TMEM163: variants seen among roughly 807,000 people sequenced by gnomAD.
TMEM163 encodes the protein transmembrane protein 163.
A neutral mutation model predicts 29.3 loss-of-function variants in TMEM163; 17 were observed. The ratio of observed to expected loss-of-function variants is 0.58; its 90% confidence interval spans 0.40 to 0.87. TMEM163 has a LOEUF of 0.87. Among genes scored for constraint, TMEM163 ranks in the 40% least tolerant of loss-of-function variants. The pLI is 0.00. For missense variants in TMEM163, 303 were observed against 381.5 expected (o/e 0.79, Z 1.71); for synonymous variants, 157 against 160.6 (o/e 0.98, Z 0.17).
chr2:134,552,574 A>G (rs1680954317), intron 2 of TMEM163, among the ~76,000 whole-genome samples: 1 of 152,106 alleles, frequency 6.6e-6, no homozygotes, highest in South Asian at 2.1e-4. Flanking sequence ...AGAGTGACAA[A>G]TGATCTTAAA....
At chr2:134,664,343 G>A (rs1173950417) in intron 2 of TMEM163, among the ~76,000 whole-genome samples, 1 of 152,198 alleles carries the variant, frequency 6.6e-6, no homozygotes, top group Non-Finnish European at 1.5e-5. Context: ...TGGTTAAGAC[G>A]CAGAATGCTG....
At chr2:134,521,253 T>C (rs1236802581) in intron 4 of TMEM163, among the ~76,000 whole-genome samples, 1 of 152,114 alleles carries the variant, frequency 6.6e-6, no homozygotes, top group Non-Finnish European at 1.5e-5. Flanking sequence ...TGCCTCGGCC[T>C]CCCAAAGTGC....
intron 2 of TMEM163, among the ~76,000 whole-genome samples, chr2:134,685,662 A>G (rs1046846946): frequency 1.3e-5 from 2 of 152,232 alleles, no homozygotes; most frequent in Admixed American, 6.5e-5. Context: ...TGCCCCCATC[A>G]GCATTTTATG....
At chr2:134,554,515 C>A (rs1681005581) in intron 2 of TMEM163, among the ~76,000 whole-genome samples, 2 of 151,560 alleles carry the variant, frequency 1.3e-5, no homozygotes, top group Non-Finnish European at 2.9e-5. Flanking sequence ...GGGCTGAGCA[C>A]CATGGAAAAG....
chr2:134,594,098 A>G (rs1682002930), intron 2 of TMEM163, among the ~76,000 whole-genome samples: 1 of 152,194 alleles, frequency 6.6e-6, no homozygotes. Flanking sequence ...GGAAAAGACA[A>G]GATGGCAGAA....
chr2:134,573,640 G>T (rs1681484433), intron 2 of TMEM163, among the ~76,000 whole-genome samples: 1 of 152,220 alleles, frequency 6.6e-6, no homozygotes, highest in Admixed American at 6.5e-5. Context: ...GGTGGAGACA[G>T]ATGTGATGCC....
At position 134,597,021 on chromosome 2, in the gene TMEM163, G is replaced by A. The variant is rs574321678; in HGVS notation, c.323-44930C>T. Among the ~76,000 whole-genome samples, 149 of 152,204 alleles carry A rather than the reference G, an allele frequency of 9.8e-4. 1 individual carries two copies. Among genetic ancestry groups the A allele is most frequent in the African/African-American group, 2.9e-3 (119 of 41,506 alleles). On this transcript the variant is annotated intron_variant, in intron 2 of 7. Transcript: ENST00000281924. ...GCTTAAGGAGATTTTGGGCTGAGAC[G>A]ACGGGGTTTTCTAGATATACAATCA...
At chr2:134,549,378 C>T (rs570381931) in intron 4 of TMEM163, among the ~76,000 whole-genome samples, 52 of 152,304 alleles carry the variant, frequency 3.4e-4, no homozygotes, top group Non-Finnish European at 5.4e-4. Flanking sequence ...GACAAAGTCT[C>T]GCTCTGTTGC....
intron 2 of TMEM163, among the ~76,000 whole-genome samples, chr2:134,556,958 A>G (rs1681061374): frequency 6.6e-6 from 1 of 152,236 alleles, no homozygotes; most frequent in Non-Finnish European, 1.5e-5. Flanking sequence ...GGTCTGGAAC[A>G]GGGGGAGTTC....
At chr2:134,469,269 C>G (rs1373533921) in intron 5 of TMEM163, 1 of 151,966 alleles carries the variant, frequency 6.6e-6, no homozygotes, top group East Asian at 1.9e-4. Context: ...CTCGATGGAC[C>G]GGAGGGCCCC....
intron 2 of TMEM163, among the ~76,000 whole-genome samples, chr2:134,555,385 T>C (rs1478922973): frequency 6.6e-6 from 1 of 152,132 alleles, no homozygotes. Context: ...AGAGATTACA[T>C]GGTAGAGGCA....
At chr2:134,631,010 A>AC (rs1682955107) in intron 2 of TMEM163, among the ~76,000 whole-genome samples, 1 of 62,336 alleles carries the variant, frequency 1.6e-5, no homozygotes, top group Non-Finnish European at 4.3e-5. Context: ...CAAACACTTG[A>AC]GGGAAAAAAA....
intron 4 of TMEM163, among the ~76,000 whole-genome samples, chr2:134,541,653 C>T (rs1558939038): frequency 6.6e-6 from 1 of 152,138 alleles, no homozygotes; most frequent in African/African-American, 2.4e-5. Context: ...CTCTATTTAT[C>T]CATGGAAAGA....
intron 2 of TMEM163, among the ~76,000 whole-genome samples, chr2:134,693,158 C>T (rs1684506335): frequency 6.6e-6 from 1 of 152,156 alleles, no homozygotes; most frequent in Admixed American, 6.5e-5. Flanking sequence ...TTCTGCCCTC[C>T]CCACCCTCTA....
chr2:134,644,985 A>G (rs985896861), intron 2 of TMEM163, among the ~76,000 whole-genome samples: 4 of 152,246 alleles, frequency 2.6e-5, no homozygotes, highest in African/African-American at 9.6e-5. Context: ...TAAAAAAGAT[A>G]TACAAATGGC....
intron 2 of TMEM163, among the ~76,000 whole-genome samples, chr2:134,676,292 C>G (rs1425293702): frequency 2.6e-5 from 4 of 152,172 alleles, no homozygotes; most frequent in Admixed American, 1.3e-4. Context: ...TTGAGTAGCC[C>G]TCCATCCTTT....
At chr2:134,599,039 A>T (rs1574269488) in intron 2 of TMEM163, among the ~76,000 whole-genome samples, 1 of 144,210 alleles carries the variant, frequency 6.9e-6, no homozygotes, top group East Asian at 2.0e-4. Context: ...AAAAAAAAGG[A>T]CTTCACACCA....
At chr2:134,495,492 C>A (rs1370259966) in intron 5 of TMEM163, among the ~76,000 whole-genome samples, 1 of 152,130 alleles carries the variant, frequency 6.6e-6, no homozygotes, top group African/African-American at 2.4e-5. Flanking sequence ...CTCCTGACAC[C>A]CCAAACTACA....
chr2:134,611,229 T>C (rs992199101), intron 2 of TMEM163, among the ~76,000 whole-genome samples: 4 of 152,188 alleles, frequency 2.6e-5, no homozygotes, highest in African/African-American at 4.8e-5. Context: ...CTTTCCAAGC[T>C]TGGGTCTCAC....
Sources: gnomAD v4.1 joint callset for allele counts (sites outside exome capture counted in the v4.1 genomes callset) on GRCh38, gnomAD v4.1.1 for gene constraint, MANE v1.5 for transcripts, NCBI Gene and HGNC (gene_info 2026-07-23, HGNC 2026-07-21) for gene names.